The following P2RX3 variants were observed in gnomAD, a reference collection of about 807,000 sequenced individuals.
P2RX3 encodes the protein purinergic receptor P2X 3.
P2RX3 carries 41 observed loss-of-function variants against 51.5 expected under a neutral mutation model. The observed-to-expected ratio is 0.80, with a 90% CI of 0.62 to 1.03. The LOEUF is 1.03. Ranked by LOEUF, P2RX3 falls within the 50% of genes least tolerant of loss-of-function variation. The pLI is 0.00. For synonymous variants in P2RX3, 185 were observed against 191.6 expected (o/e 0.97, Z 0.29); for missense variants, 459 against 522.1 (o/e 0.88, Z 1.18).
chr11:57,347,940 T>G (rs966296642), intron 4 of P2RX3, among the ~76,000 whole-genome samples: 3 of 151,880 alleles, frequency 2.0e-5, no homozygotes, highest in Non-Finnish European at 4.4e-5. Context: ...GAAGAAGAGG[T>G]GTCCTCAGGG....
In P2RX3 at chr11:57,369,367, G is replaced by A. The variant is rs772763374; in HGVS notation, c.1009G>A (p.Val337Ile). Residue 337 changes from valine to isoleucine, a missense_variant, in exon 11 of 12, where the codon GTT becomes ATT. Val to Ile is a conservative substitution (Grantham distance 29). Transcript: ENST00000263314. ...AAFTSVGVGTVLCDIILLNFL... is the reference protein window; with the variant it reads ...AAFTSVGVGTILCDIILLNFL... The stretch of plus-strand genomic sequence containing the variant: ...CCTGCCTCTCCTCCTCCAGGGAACT[G>A]TTCTCTGTGACATCATCCTGCTCAA... 5 of 1,609,984 alleles carry A rather than the reference G, an allele frequency of 3.1e-6. No individual in the cohort carries two copies. The Admixed American group carries it at 6.7e-5, about 22-fold the overall frequency.
At chr11:57,348,302 C>T (rs1856480090) in intron 5 of P2RX3, 39 bp downstream of exon 5, 2 of 1,527,892 alleles carry the variant, frequency 1.3e-6, no homozygotes, top group Non-Finnish European at 8.9e-7. Context: ...CAGGCCCCCA[C>T]CTCAGCTCCC....
Position 57,348,607 on chromosome 11 carries a change from C to T in P2RX3, c.486-20C>T, listed in dbSNP as rs1182145742. The T allele has an allele frequency of 2.5e-6, 4 of 1,603,710 alleles. No homozygotes were observed. Among genetic ancestry groups the T allele is most frequent in the Non-Finnish European group, 3.4e-6 (4 of 1,170,996 alleles). On this transcript the variant is annotated intron_variant, in intron 5 of 11. Coordinates refer to ENST00000263314, the MANE Select transcript of P2RX3 (RefSeq NM_002559.5). ...CCCTCTTCTTCCTGGAAAGCTAAGG[C>T]CTCCTGTGCTCACCCACAGGCCCAT...
rs967441435 is a variant in P2RX3, at chr11:57,370,862, G to A, written c.*865G>A. 9.2e-5 allele frequency among the ~76,000 whole-genome samples: 14 copies of A among 152,184 alleles called. No homozygotes were observed. The highest frequency in any genetic ancestry group is 3.8e-4 in the East Asian group (2 of 5,204). On this transcript the variant is annotated 3_prime_UTR_variant, in exon 12 of 12. Coordinates refer to ENST00000263314, the MANE Select transcript of P2RX3 (RefSeq NM_002559.5). ...TGATTCCCGGACCTGGGATCCTGTC[G>A]TAGGCTGGGACCCTGTTCCAGGAGT...
At position 57,338,470 on chromosome 11, in the gene P2RX3, G is replaced by A. The variant is rs142443582; in HGVS notation, c.-81G>A. 5.0e-4 allele frequency: 461 copies of A among 917,584 alleles called. 3 individuals carry two copies. The African/African-American group carries it at 6.0e-3, about 12-fold the overall frequency. 56.8% of individuals were successfully genotyped at this position (917,584 alleles called of 1,614,324 possible). A position where few individuals can be genotyped will look rare whatever the true frequency, so the allele number is the denominator to read the frequency against. ...GCTGCCCCCTCCAGGTCGTGATCTCGTCTCCCTGTCCTGTAGGACCTCCCT... is the reference window on the plus strand; with the variant it reads ...GCTGCCCCCTCCAGGTCGTGATCTCATCTCCCTGTCCTGTAGGACCTCCCT... On this transcript the variant is annotated 5_prime_UTR_variant, in exon 1 of 12. Transcript: ENST00000263314.
chr11:57,357,519 CTG>C (rs1214725729), intron 8 of P2RX3, among the ~76,000 whole-genome samples: 1 of 152,144 alleles, frequency 6.6e-6, no homozygotes, highest in Non-Finnish European at 1.5e-5. Flanking sequence ...GATGAGGAAA[CTG>C]AGGCCAAAAA....
chr11:57,369,403 G>A lies in P2RX3; in HGVS notation c.1045G>A (p.Gly349Arg). The change falls in exon 11 of 12, where the codon GGG (glycine) becomes AGG (arginine). Residue 349 changes from glycine (G) to arginine (R), a missense_variant. Physicochemically the swap from Gly to Arg is moderately radical, Grantham distance 125. Coordinates refer to ENST00000263314, the MANE Select transcript of P2RX3 (RefSeq NM_002559.5). The stretch of plus-strand genomic sequence containing the variant: ...CATCATCCTGCTCAACTTCCTCAAG[G>A]GGGCCGACCAGTACAAAGCCAAGAA... Reference protein sequence around the residue: ...CDIILLNFLKGADQYKAKKFE... With the variant: ...CDIILLNFLKRADQYKAKKFE... 2.5e-6 allele frequency: 4 copies of A among 1,610,120 alleles called. No homozygotes were observed.
At position 57,371,579 on chromosome 11, in the gene P2RX3, C is replaced by G. The variant is rs963791501; in HGVS notation, c.*1582C>G. Among the ~76,000 whole-genome samples the G allele has an allele frequency of 6.6e-6, 1 of 152,190 alleles. No individual in the cohort carries two copies. On this transcript the variant is annotated 3_prime_UTR_variant, in exon 12 of 12. Coordinates refer to ENST00000263314, the MANE Select transcript of P2RX3 (RefSeq NM_002559.5). ...GCAAAGGCCTTGCCCAATGACCCCCCGCTCCAGGGGGAGAAGGGGTAAGAC... is the reference window on the plus strand; with the variant it reads ...GCAAAGGCCTTGCCCAATGACCCCCGGCTCCAGGGGGAGAAGGGGTAAGAC...
At chr11:57,347,305 T>C in intron 3 of P2RX3, 110 bp from the exon 4 acceptor site, 1 of 1,472,566 alleles carries the variant, frequency 6.8e-7, no homozygotes, top group Non-Finnish European at 9.4e-7. Context: ...AACTGGGACC[T>C]GGGACCTCCA....
chr11:57,353,526 G>A (rs1211415743), intron 8 of P2RX3, among the ~76,000 whole-genome samples: 1 of 152,148 alleles, frequency 6.6e-6, no homozygotes, highest in Non-Finnish European at 1.5e-5. Flanking sequence ...AAAAAAGCAT[G>A]CCTATGTGGT....
At chr11:57,364,530 G>T (rs1249617713) in intron 8 of P2RX3, among the ~76,000 whole-genome samples, 1 of 152,192 alleles carries the variant, frequency 6.6e-6, no homozygotes, top group African/African-American at 2.4e-5. Flanking sequence ...CAGTGGGCAT[G>T]GAGACAGTGA....
At chr11:57,360,661 G>A (rs944288103) in intron 8 of P2RX3, among the ~76,000 whole-genome samples, 8 of 151,888 alleles carry the variant, frequency 5.3e-5, no homozygotes, top group African/African-American at 1.7e-4. Flanking sequence ...TGGGCATGGT[G>A]GTGCACACCT....
At chr11:57,345,096 T>C (rs567188227) in intron 1 of P2RX3, among the ~76,000 whole-genome samples, 1 of 152,326 alleles carries the variant, frequency 6.6e-6, no homozygotes, top group South Asian at 2.1e-4. Flanking sequence ...GGTTCTGGGA[T>C]TGAAGTCCTC....
Position 57,347,100 on chromosome 11 carries a change from T to A in P2RX3, c.256-16T>A. ...GGACTGTTGGATGTTTTTCTCTCCC[T>A]TCTTCTCCTCCCAAGGGCACCTCGG... On this transcript the variant is annotated splice_polypyrimidine_tract_variant and intron_variant, in intron 2 of 11. Coordinates refer to ENST00000263314, the MANE Select transcript of P2RX3 (RefSeq NM_002559.5). The A allele has an allele frequency of 6.2e-7, 1 of 1,611,878 alleles. No individual in the cohort carries two copies. Among genetic ancestry groups the A allele is most frequent in the Non-Finnish European group, 8.5e-7 (1 of 1,178,534 alleles).
rs2134416244 is a variant in P2RX3 at position 57,347,435 on chromosome 11, T to C, written c.348T>C (p.Cys116=). 6.4e-7 allele frequency: 1 copy of C among 1,559,672 alleles called. No homozygotes were observed. Among genetic ancestry groups the C allele is most frequent in the Non-Finnish European group, 8.7e-7 (1 of 1,151,292 alleles). The stretch of plus-strand genomic sequence containing the variant: ...CACAGAGTGAGGAGAAATACCGCTG[T>C]GTATCAGACAGCCAGTGCGGGCCTG... ...FCPESEEKYR[C]VSDSQCGPER... is the part of the protein sequence containing the mutation. The change falls in exon 4 of 12, where the codon TGT becomes TGC. Residue 116 remains cysteine, a synonymous_variant. Transcript: ENST00000263314.
chr11:57,368,221 C>T (rs1856826627), intron 9 of P2RX3, 119 bp downstream of exon 9: 2 of 1,289,218 alleles, frequency 1.6e-6, no homozygotes, highest in Non-Finnish European at 2.2e-6. Context: ...TTGACACCCT[C>T]AGTGGGTCAC....
At position 57,338,654 on chromosome 11, in the gene P2RX3, T is replaced by C; in HGVS notation, c.104T>C (p.Ile35Thr). ...IINRVVQLLI[I>T]SYFVGWVFLH... The stretch of plus-strand genomic sequence containing the variant: ...AACCGAGTAGTTCAGCTTCTGATCA[T>C]CTCCTACTTTGTAGGGTGAGTCTGT... Residue 35 changes from isoleucine (I) to threonine (T), a missense_variant, in exon 1 of 12, where the codon ATC (isoleucine) becomes ACC (threonine). Transcript: ENST00000263314. 6.3e-7 allele frequency: 1 copy of C among 1,585,070 alleles called. No individual in the cohort carries two copies. Among genetic ancestry groups the C allele is most frequent in the Non-Finnish European group, 8.6e-7 (1 of 1,156,106 alleles).
chr11:57,357,658 A>G (rs1029030364), intron 8 of P2RX3, among the ~76,000 whole-genome samples: 2 of 152,192 alleles, frequency 1.3e-5, no homozygotes, highest in Admixed American at 1.3e-4. Flanking sequence ...TTAAAGATCA[A>G]CAAGAAGCGT....
intron 1 of P2RX3, among the ~76,000 whole-genome samples, chr11:57,345,426 T>C (rs2134412275): frequency 6.6e-6 from 1 of 152,322 alleles, no homozygotes; most frequent in Admixed American, 6.5e-5. Flanking sequence ...GTTTACATCG[T>C]ATGTTTCTCG....
Sources: allele counts gnomAD v4.1 joint callset (sites outside exome capture counted in the v4.1 genomes callset), GRCh38; gene constraint gnomAD v4.1.1; transcripts MANE v1.5; gene names NCBI Gene and HGNC (gene_info 2026-07-23, HGNC 2026-07-21).